The following RASSF3 variants were observed in gnomAD, a reference collection of about 807,000 sequenced individuals.
RASSF3 encodes the protein ras association domain-containing protein 3.
Under a neutral mutation model 19.9 loss-of-function variants are expected in RASSF3, and 19 were observed. The ratio of observed to expected loss-of-function variants is 0.96; its 90% CI spans 0.67 to 1.40. RASSF3 has a LOEUF of 1.40. RASSF3 is among the 40% of genes most tolerant of loss of function. The pLI is 0.00. For missense variants in RASSF3, 306 were observed against 289.8 expected (o/e 1.06, Z -0.41); for synonymous variants, 110 against 104.2 (o/e 1.06, Z -0.34).
rs565355530 is a variant in RASSF3 at position 64,534,936 on chromosome 12, A to T, written c.67+1602A>T. Among the ~76,000 whole-genome samples the T allele has an allele frequency of 1.6e-3, 240 of 152,332 alleles. 1 individual carries two copies. Among genetic ancestry groups the T allele is most frequent in the Non-Finnish European group, 2.5e-3 (173 of 68,034 alleles). ...AGAATAGCTTGCCTTGTAGTAAGGC[A>T]TAGCATTACCATATTTCCTCATCTC... On this transcript the variant is annotated intron_variant, in intron 1 of 1. Coordinates refer to the RASSF3 transcript ENST00000636333.
chr12:64,622,350 G>A (rs1341719428), intron 1 of RASSF3, among the ~76,000 whole-genome samples: 1 of 151,604 alleles, frequency 6.6e-6, no homozygotes, highest in African/African-American at 2.4e-5. Context: ...GTGAGCCACC[G>A]TGCCTGGCCA....
At chr12:64,575,364 T>C (rs771406389) in intron 2 of RASSF3, among the ~76,000 whole-genome samples, 37 of 152,270 alleles carry the variant, frequency 2.4e-4, no homozygotes, top group South Asian at 6.2e-4. Context: ...CCATCCTGGC[T>C]AACACAGTCA....
Position 64,696,258 on chromosome 12 carries a change from G to A in RASSF3, c.*1346G>A, listed in dbSNP as rs1342288842. 6.6e-6 allele frequency: 1 copy of A among 151,998 alleles called. No individual in the cohort carries two copies. The highest frequency in any genetic ancestry group is 2.4e-5 in the African/African-American group (1 of 41,338). The allele number at this position is 151,998 out of a possible 1,614,324, so 9.4% of individuals were successfully genotyped here. On this transcript the variant is annotated 3_prime_UTR_variant, in exon 5 of 5. Coordinates refer to ENST00000542104, the MANE Select transcript of RASSF3 (RefSeq NM_178169.4). ...TAAAGGGCAACTTGACTGTGAGTAG[G>A]AGGGCCCCCAAGAAAGGGAGGAAAG...
intron 2 of RASSF3, among the ~76,000 whole-genome samples, chr12:64,578,317 C>G (rs1275827019): frequency 6.6e-6 from 1 of 151,976 alleles, no homozygotes; most frequent in Admixed American, 6.6e-5. Context: ...TTATTTAATT[C>G]CAACGACATC....
chr12:64,605,639 C>T (rs1256584715), upstream of RASSF3, among the ~76,000 whole-genome samples: 1 of 152,066 alleles, frequency 6.6e-6, no homozygotes, highest in East Asian at 1.9e-4. Flanking sequence ...CCTGTAATTC[C>T]AGCACTTTGG....
intron 1 of RASSF3, among the ~76,000 whole-genome samples, chr12:64,668,288 T>C (rs1474259593): frequency 6.6e-6 from 1 of 151,958 alleles, no homozygotes; most frequent in Admixed American, 6.6e-5. Flanking sequence ...TTTTTTTCTC[T>C]TCAATTGAAA....
chr12:64,564,469 G>A (rs573154146), intron 2 of RASSF3, among the ~76,000 whole-genome samples: 64 of 151,100 alleles, frequency 4.2e-4, no homozygotes, highest in African/African-American at 1.4e-3. Context: ...CACAACCTCC[G>A]CCTCCCAGGT....
intron 1 of RASSF3, chr12:64,515,726 T>C (rs1868359439): frequency 6.6e-6 from 1 of 152,144 alleles, no homozygotes; most frequent in Non-Finnish European, 1.5e-5. Flanking sequence ...GGACTCGTTA[T>C]GTTGCCCAGC....
rs201698224 is a variant in RASSF3 at position 64,675,053 on chromosome 12, C to T, written c.112-9734C>T. Among the ~76,000 whole-genome samples the T allele has an allele frequency of 3.4e-5, 4 of 117,104 alleles. 1 individual carries two copies. Among genetic ancestry groups the T allele is most frequent in the Admixed American group, 1.6e-4 (2 of 12,128 alleles). 76.8% of individuals were successfully genotyped at this position (117,104 alleles called of 152,430 possible). A position where few individuals can be genotyped will look rare whatever the true frequency, so the allele number is the denominator to read the frequency against. On this transcript the variant is annotated intron_variant, in intron 1 of 4. Transcript: ENST00000542104. Reference sequence around the variant, plus strand: ...TCTAAAATACCCACCTAGCCCCCCCCCCCCCCGCCACCCCGGCTTCTTGCT... The same window carrying T: ...TCTAAAATACCCACCTAGCCCCCCCTCCCCCCGCCACCCCGGCTTCTTGCT...
At chr12:64,580,345 A>G (rs887542441) in intron 2 of RASSF3, among the ~76,000 whole-genome samples, 27 of 152,254 alleles carry the variant, frequency 1.8e-4, no homozygotes, top group African/African-American at 2.4e-4. Flanking sequence ...CAAAACTTTC[A>G]TTTTAATTAT....
intron 2 of RASSF3, among the ~76,000 whole-genome samples, chr12:64,593,554 A>G (rs1869955773): frequency 6.6e-6 from 1 of 152,092 alleles, no homozygotes; most frequent in South Asian, 2.1e-4. Flanking sequence ...TCCATGACTT[A>G]ATGTAAACAG....
At chr12:64,675,156 C>T (rs1009882590) in intron 1 of RASSF3, among the ~76,000 whole-genome samples, 2 of 148,360 alleles carry the variant, frequency 1.3e-5, no homozygotes, top group East Asian at 2.0e-4. Flanking sequence ...GCTAATAATC[C>T]TCTAATGAAT....
chr12:64,511,130 T>C (rs1283243820), intron 1 of RASSF3, among the ~76,000 whole-genome samples: 1 of 152,188 alleles, frequency 6.6e-6, no homozygotes, highest in Non-Finnish European at 1.5e-5. Context: ...AAGAGCGGCA[T>C]GGAGGAAAGT....
At chr12:64,673,291 T>G (rs552791706) in intron 1 of RASSF3, among the ~76,000 whole-genome samples, 20 of 152,290 alleles carry the variant, frequency 1.3e-4, no homozygotes, top group Admixed American at 6.5e-4. Flanking sequence ...GGGTGGTGCT[T>G]GTGTCACCAC....
chr12:64,582,925 A>G (rs1869727916), intron 2 of RASSF3, among the ~76,000 whole-genome samples: 2 of 152,180 alleles, frequency 1.3e-5, no homozygotes, highest in Admixed American at 1.3e-4. Context: ...GGAAGTGTAG[A>G]AAGATCTTCG....
intron 1 of RASSF3, among the ~76,000 whole-genome samples, chr12:64,655,711 G>A (rs1289042347): frequency 1.3e-5 from 2 of 152,190 alleles, no homozygotes; most frequent in Non-Finnish European, 2.9e-5. Context: ...CATTTCAGGA[G>A]CATACATCTA....
chr12:64,592,216 TA>T (rs1465873224), intron 2 of RASSF3, among the ~76,000 whole-genome samples: 6 of 152,126 alleles, frequency 3.9e-5, no homozygotes, highest in Non-Finnish European at 8.8e-5. Context: ...TTGCTTCTTT[TA>T]AAAAAATATT....
At chr12:64,626,058 T>C (rs571032906) in intron 1 of RASSF3, among the ~76,000 whole-genome samples, 3 of 152,294 alleles carry the variant, frequency 2.0e-5, no homozygotes, top group Admixed American at 1.3e-4. Context: ...AATTGGTTGT[T>C]GGAAACTGGC....
rs1868334685 is a variant in RASSF3, at chr12:64,695,020, T to C, written c.*108T>C. 8.2e-7 allele frequency: 1 copy of C among 1,215,938 alleles called. No individual in the cohort carries two copies. Among genetic ancestry groups the C allele is most frequent in the Non-Finnish European group, 1.1e-6 (1 of 880,156 alleles). 75.3% of individuals were successfully genotyped at this position (1,215,938 alleles called of 1,614,324 possible). A position where few individuals can be genotyped will look rare whatever the true frequency, so the allele number is the denominator to read the frequency against. On this transcript the variant is annotated 3_prime_UTR_variant, in exon 5 of 5. Transcript: ENST00000542104. ...GTCTTGCCCCACTATGCTAGGGTCT[T>C]CGCCTTTCTATCTGTAGATTTTGTT...
Sources: gnomAD v4.1 joint callset for allele counts (sites outside exome capture counted in the v4.1 genomes callset) on GRCh38, gnomAD v4.1.1 for gene constraint, MANE v1.5 for transcripts, NCBI Gene and HGNC (gene_info 2026-07-23, HGNC 2026-07-21) for gene names.